Variants in PTPRD observed in about 807,000 individuals in gnomAD.
The protein encoded by PTPRD is receptor-type tyrosine-protein phosphatase delta.
In PTPRD, 34 loss-of-function variants were observed where a neutral mutation model predicts 214.5. The ratio of observed to expected loss-of-function variants is 0.16; its 90% CI spans 0.12 to 0.21. PTPRD has a LOEUF of 0.21. PTPRD is among the 10% of genes least tolerant of loss of function. The probability of loss-of-function intolerance (pLI) is 1.00; values close to 1 mark genes in which losing one functional copy is unlikely to be tolerated. For missense variants in PTPRD, 2,545 were observed against 2,398.7 expected (o/e 1.06, Z -1.27); for synonymous variants, 1,128 against 845.7 (o/e 1.33, Z -5.79).
intron 11 of PTPRD, among the ~76,000 whole-genome samples, chr9:8,925,097 C>G (rs2098863460): frequency 1.3e-5 from 2 of 152,118 alleles, no homozygotes; most frequent in African/African-American, 2.4e-5. Flanking sequence ...GGTACTCTCC[C>G]AGGTTTCTGT....
chr9:10,517,186 T>A (rs1010667991), intron 2 of PTPRD, among the ~76,000 whole-genome samples: 1 of 152,020 alleles, frequency 6.6e-6, no homozygotes, highest in African/African-American at 2.4e-5. Context: ...GTATCCAGTA[T>A]CCCAATTCAT....
intron 14 of PTPRD, among the ~76,000 whole-genome samples, chr9:8,622,180 T>C (rs1387921929): frequency 6.6e-6 from 1 of 151,946 alleles, no homozygotes; most frequent in Non-Finnish European, 1.5e-5. Context: ...CAAATGGGTA[T>C]ATTACTCTGA....
intron 14 of PTPRD, among the ~76,000 whole-genome samples, chr9:8,534,338 A>G (rs908895416): frequency 2.6e-5 from 4 of 151,922 alleles, no homozygotes; most frequent in African/African-American, 4.8e-5. Context: ...TAGAATAACA[A>G]TGGAATTCTT....
At chr9:9,077,853 CCTCT>C (rs1185698659) in intron 10 of PTPRD, among the ~76,000 whole-genome samples, 1 of 151,938 alleles carries the variant, frequency 6.6e-6, no homozygotes, top group African/African-American at 2.4e-5. Flanking sequence ...TCAAATAGTC[CCTCT>C]GTGTACATTT....
chr9:10,232,838 C>G (rs2099616194), intron 3 of PTPRD, among the ~76,000 whole-genome samples: 1 of 151,938 alleles, frequency 6.6e-6, no homozygotes, highest in South Asian at 2.1e-4. Context: ...CCAACCTTTT[C>G]CATTTGATCT....
chr9:8,827,290 T>C (rs1480942904), intron 11 of PTPRD, among the ~76,000 whole-genome samples: 3 of 140,324 alleles, frequency 2.1e-5, no homozygotes, highest in African/African-American at 8.4e-5. Context: ...ACTCAACCCA[T>C]CAATCTATTT....
intron 7 of PTPRD, among the ~76,000 whole-genome samples, chr9:9,634,284 G>A (rs1406874395): frequency 6.6e-6 from 1 of 152,094 alleles, no homozygotes; most frequent in Non-Finnish European, 1.5e-5. Context: ...GTGGAGTCTG[G>A]TAAATAATAG....
At chr9:10,225,169 G>C (rs184710245) in intron 3 of PTPRD, among the ~76,000 whole-genome samples, 238 of 151,872 alleles carry the variant, frequency 1.6e-3, no homozygotes, top group African/African-American at 5.4e-3. Flanking sequence ...ATTATCAAAA[G>C]AGATGAATAC....
chr9:8,497,124 AT>A, intron 26 of PTPRD, 117 bp downstream of exon 26: 1 of 862,772 alleles, frequency 1.2e-6, no homozygotes. Flanking sequence ...CTTAAAAATA[AT>A]TTGTTAGTTC....
intron 4 of PTPRD, among the ~76,000 whole-genome samples, chr9:9,985,367 T>G (rs769853445): frequency 5.3e-5 from 8 of 151,998 alleles, no homozygotes; most frequent in East Asian, 1.9e-4. Context: ...TACAGTTAAG[T>G]TTTTTTTAGA....
At chr9:9,639,704 T>C (rs144765089) in intron 7 of PTPRD, among the ~76,000 whole-genome samples, 39 of 152,306 alleles carry the variant, frequency 2.6e-4, no homozygotes, top group African/African-American at 9.4e-4. Flanking sequence ...ATAGATCTGG[T>C]ATCGTTGATA....
intron 11 of PTPRD, among the ~76,000 whole-genome samples, chr9:8,783,152 C>T (rs1006826746): frequency 1.3e-5 from 2 of 151,762 alleles, no homozygotes; most frequent in South Asian, 2.1e-4. Context: ...TGAATCATAA[C>T]GAAGAACGGA....
At chr9:8,421,874 G>T (rs779764956) in intron 35 of PTPRD, among the ~76,000 whole-genome samples, 3 of 151,012 alleles carry the variant, frequency 2.0e-5, no homozygotes, top group Non-Finnish European at 4.4e-5. Flanking sequence ...TTGCCCGGGC[G>T]TGATGGCTCA....
chr9:9,004,271 A>G (rs1179559255), intron 11 of PTPRD, among the ~76,000 whole-genome samples: 1 of 152,116 alleles, frequency 6.6e-6, no homozygotes, highest in African/African-American at 2.4e-5. Context: ...TATGCCACAA[A>G]AAGATTTGAA....
At chr9:9,065,152 A>G (rs1383409316) in intron 10 of PTPRD, among the ~76,000 whole-genome samples, 1 of 152,222 alleles carries the variant, frequency 6.6e-6, no homozygotes, top group African/African-American at 2.4e-5. Flanking sequence ...TGGCAGAGAT[A>G]GGTAATAAAC....
chr9:8,770,647 T>C (rs1190089279), intron 11 of PTPRD, among the ~76,000 whole-genome samples: 1 of 152,222 alleles, frequency 6.6e-6, no homozygotes, highest in Non-Finnish European at 1.5e-5. Context: ...TACTTGATAC[T>C]TGCTTGACCT....
chr9:10,588,889 T>C (rs183455675), intron 2 of PTPRD, among the ~76,000 whole-genome samples: 1 of 152,202 alleles, frequency 6.6e-6, no homozygotes, highest in African/African-American at 2.4e-5. Flanking sequence ...TAACAGTATC[T>C]AATATATTTT....
chr9:9,255,734 C>G (rs1398494660), intron 9 of PTPRD, among the ~76,000 whole-genome samples: 1 of 151,992 alleles, frequency 6.6e-6, no homozygotes, highest in African/African-American at 2.4e-5. Flanking sequence ...GATGATTGAT[C>G]GCAAAACGTA....
chr9:8,790,068 T>C (rs1020336701), intron 11 of PTPRD, among the ~76,000 whole-genome samples: 9 of 152,156 alleles, frequency 5.9e-5, no homozygotes, highest in African/African-American at 2.2e-4. Context: ...TCAGGCTGAA[T>C]TGCAGTGCTG....
Sources: gnomAD v4.1 joint callset for allele counts (sites outside exome capture counted in the v4.1 genomes callset) on GRCh38, gnomAD v4.1.1 for gene constraint, MANE v1.5 for transcripts, NCBI Gene and HGNC (gene_info 2026-07-23, HGNC 2026-07-21) for gene names.